Variants in ZMYM1 observed in about 807,000 individuals in gnomAD.
The protein encoded by ZMYM1 is zinc finger MYM-type containing 1.
ZMYM1 carries 39 observed loss-of-function variants against 60.0 expected under a neutral mutation model. The observed-to-expected ratio is 0.65, with a 90% CI of 0.50 to 0.85. The LOEUF (loss-of-function observed/expected upper bound fraction) is 0.85. ZMYM1 is among the 40% of genes least tolerant of loss of function. The pLI is 0.00. For missense variants in ZMYM1, 1,171 were observed against 1,309.5 expected (o/e 0.89, Z 1.63); for synonymous variants, 413 against 454.0 (o/e 0.91, Z 1.15).
chr1:35,095,881 T>C lies in ZMYM1; in HGVS notation c.159T>C (p.Phe53=). 1 of 1,607,730 alleles carries C rather than the reference T, an allele frequency of 6.2e-7. No individual in the cohort carries two copies. Among genetic ancestry groups the C allele is most frequent in the Non-Finnish European group, 8.5e-7 (1 of 1,175,218 alleles). ...ATGAACTGAAAATAAATGCTGTGTT[T>C]TCAGAGAGTGGTAATAGAATTATTT... is the stretch of plus-strand genomic sequence containing the variant. ...QENELKINAV[F]SESASQLTAG... The change falls in exon 3 of 10, where the codon TTT becomes TTC. Residue 53 remains phenylalanine, a synonymous_variant. Transcript: ENST00000359858.
intron 4 of ZMYM1, among the ~76,000 whole-genome samples, chr1:35,102,842 G>A (rs1009638022): frequency 6.6e-5 from 10 of 152,040 alleles, no homozygotes; most frequent in Non-Finnish European, 1.2e-4. Context: ...GTTGTCACAC[G>A]GAATTTTTTT....
intron 1 of ZMYM1, among the ~76,000 whole-genome samples, chr1:35,079,709 G>C (rs1187681239): frequency 6.6e-6 from 1 of 152,214 alleles, no homozygotes; most frequent in African/African-American, 2.4e-5. Context: ...GCCGCCTCCT[G>C]CTCCTGTGTA....
At chr1:35,080,731 T>C (rs538896852) in intron 1 of ZMYM1, among the ~76,000 whole-genome samples, 2 of 151,926 alleles carry the variant, frequency 1.3e-5, no homozygotes, top group East Asian at 3.9e-4. Flanking sequence ...CGTCTTCTTT[T>C]TTCATTTCTT....
chr1:35,077,214 A>G (rs1451078718), upstream of ZMYM1, among the ~76,000 whole-genome samples: 8 of 151,954 alleles, frequency 5.3e-5, no homozygotes. Flanking sequence ...CATTTTTTCA[A>G]CTCAACTCCC....
chr1:35,092,655 T>G (rs1188326807), intron 1 of ZMYM1, among the ~76,000 whole-genome samples: 1 of 151,486 alleles, frequency 6.6e-6, no homozygotes, highest in African/African-American at 2.4e-5. Context: ...CTTGACAGAG[T>G]CTCGCTCTGT....
downstream of ZMYM1, among the ~76,000 whole-genome samples, chr1:35,117,569 A>C (rs574474444): frequency 4.5e-3 from 676 of 149,784 alleles, 6 homozygotes; most frequent in African/African-American, 0.016. Flanking sequence ...TGATCCACCC[A>C]CCTTGGCCTC....
chr1:35,078,174 G>T (rs539471484), upstream of ZMYM1, among the ~76,000 whole-genome samples: 7 of 152,244 alleles, frequency 4.6e-5, no homozygotes, highest in East Asian at 1.3e-3. Context: ...AAATGTTGGA[G>T]AAATTAACTT....
At chr1:35,105,087 A>G (rs1029976982) in intron 6 of ZMYM1, among the ~76,000 whole-genome samples, 27 of 116,900 alleles carry the variant, frequency 2.3e-4, no homozygotes, top group African/African-American at 8.1e-4. Flanking sequence ...ACACAAAAGT[A>G]TTTTTGTTTT....
chr1:35,113,837 A>C lies in ZMYM1; in HGVS notation c.2007A>C (p.Ser669=). The C allele has an allele frequency of 6.2e-7, 1 of 1,613,790 alleles. No homozygotes were observed. The highest frequency in any genetic ancestry group is 1.3e-5 in the African/African-American group (1 of 75,042). Residue 669 remains serine (S), a synonymous_variant, in exon 10 of 10, where the codon TCA becomes TCC. Transcript: ENST00000359858. ...LSICVRYPQK[S]SKAILIKERF... is the part of the protein sequence containing the mutation. ...TTTGTGTAAGATACCCACAAAAATC[A>C]TCAAAGGCTATCTTAATTAAGGAAA... is the stretch of plus-strand genomic sequence containing the variant.
At chr1:35,118,009 G>A (rs1644266459), downstream of ZMYM1, among the ~76,000 whole-genome samples, 1 of 151,958 alleles carries the variant, frequency 6.6e-6, no homozygotes, top group African/African-American at 2.4e-5. Flanking sequence ...GGAGGCTAAG[G>A]CAGGCGGATC....
At position 35,097,543 on chromosome 1, in the gene ZMYM1, G is replaced by C; in HGVS notation, c.396G>C (p.Lys132Asn). The change falls in exon 4 of 10, where the codon AAG (lysine) becomes AAC (asparagine). Residue 132 changes from lysine (K) to asparagine (N), a missense_variant. Transcript: ENST00000359858. ...ISSASSPVPS[K>N]RTCSNCSKDI... is the part of the protein sequence containing the mutation. ...CTGCCAGTTCACCAGTTCCTTCTAA[G>C]AGAACTTGTTCAAACTGCTCAAAGT... 4 of 1,614,184 alleles carry C rather than the reference G, an allele frequency of 2.5e-6. No homozygotes were observed. Among genetic ancestry groups the C allele is most frequent in the Non-Finnish European group, 3.4e-6 (4 of 1,180,026 alleles).
At position 35,095,947 on chromosome 1, in the gene ZMYM1, C is replaced by G. The variant is rs1019852529; in HGVS notation, c.169+56C>G. 1.5e-5 allele frequency: 20 copies of G among 1,302,044 alleles called. No individual in the cohort carries two copies. The African/African-American group carries it at 2.6e-4, about 17-fold the overall frequency. 80.7% of individuals were successfully genotyped at this position (1,302,044 alleles called of 1,614,324 possible). On this transcript the variant is annotated intron_variant, in intron 3 of 9. Transcript: ENST00000359858. ...ATTCAGACCAATACGACAGCTGATT[C>G]ATTCTTTTTTAATGCCTTTGAATAT...
In ZMYM1 at chr1:35,094,044, G is replaced by C; in HGVS notation, c.57G>C (p.Gly19=). Reference sequence around the variant, plus strand: ...ACAAGGCAGTGGCATCACAGCTGGGGCTGCTAGATGAAATTAAGACAGAAC... The same window carrying C: ...ACAAGGCAGTGGCATCACAGCTGGGCCTGCTAGATGAAATTAAGACAGAAC... ...ECDKAVASQL[G]LLDEIKTEPD... Residue 19 remains glycine, a synonymous_variant, in exon 2 of 10, where the codon GGG becomes GGC. Coordinates refer to ENST00000359858, the MANE Select transcript of ZMYM1 (RefSeq NM_024772.5). The C allele has an allele frequency of 6.2e-7, 1 of 1,610,904 alleles. No individual in the cohort carries two copies.
chr1:35,112,543 TATATTATA>T (rs1169264160), intron 9 of ZMYM1, among the ~76,000 whole-genome samples: 2 of 108,666 alleles, frequency 1.8e-5, no homozygotes, highest in East Asian at 1.1e-3. Context: ...ATAATATAAA[TATATTATA>T]ATATATTGTA....
rs1173801392 is a variant in ZMYM1 at position 35,113,632 on chromosome 1, C to T, written c.1802C>T (p.Thr601Ile). Residue 601 changes from threonine to isoleucine, a missense_variant, in exon 10 of 10, where the codon ACA becomes ATA. Coordinates refer to ENST00000359858, the MANE Select transcript of ZMYM1 (RefSeq NM_024772.5). Reference protein sequence around the residue: ...EMRAKDKGEETFRLMNSQVDF... With the variant: ...EMRAKDKGEEIFRLMNSQVDF... ...AGAGCAAAAGATAAAGGAGAAGAAA[C>T]ATTTCGACTTATGAATTCACAAGTT... The T allele has an allele frequency of 6.2e-7, 1 of 1,612,656 alleles. No individual in the cohort carries two copies. The highest frequency in any genetic ancestry group is 1.3e-5 in the African/African-American group (1 of 74,836).
At chr1:35,116,835 A>ATTTTTTT (rs10671957), downstream of ZMYM1, among the ~76,000 whole-genome samples, 27 of 88,966 alleles carry the variant, frequency 3.0e-4, 3 homozygotes, top group Non-Finnish European at 4.4e-4. Context: ...TAGGCCTGGA[A>ATTTTTTT]TTTTTTTTTT....
At chr1:35,066,602 GA>G (rs780992045) in intron 1 of ZMYM1, among the ~76,000 whole-genome samples, 3 of 152,174 alleles carry the variant, frequency 2.0e-5, no homozygotes, top group Non-Finnish European at 4.4e-5. Flanking sequence ...AAGGAATAAT[GA>G]AAGAAATTAA....
Position 35,099,909 on chromosome 1 carries a change from G to A in ZMYM1, c.419+2343G>A, listed in dbSNP as rs140145529. Among the ~76,000 whole-genome samples the A allele has an allele frequency of 8.6e-5, 13 of 151,804 alleles. No individual in the cohort carries two copies. In the East Asian group the frequency reaches 1.2e-3, roughly 14 times the overall value. On this transcript the variant is annotated intron_variant, in intron 4 of 9. Transcript: ENST00000359858. ...TGTTTTGTTTTGTTTTGTCTGAGAC[G>A]GAGTCTCGTCTCAATCTGTCACCCA... is the stretch of plus-strand genomic sequence containing the variant.
chr1:35,060,539 T>C (rs1246319046), intron 1 of ZMYM1, among the ~76,000 whole-genome samples: 2 of 152,082 alleles, frequency 1.3e-5, no homozygotes, highest in Non-Finnish European at 2.9e-5. Context: ...CCAGGAGGAA[T>C]TCCTGGAGGA....
Sources: allele counts gnomAD v4.1 joint callset (sites outside exome capture counted in the v4.1 genomes callset), GRCh38; gene constraint gnomAD v4.1.1; transcripts MANE v1.5; gene names NCBI Gene and HGNC (gene_info 2026-07-23, HGNC 2026-07-21).